Variants in WDR70 observed in about 807,000 individuals in gnomAD.
The protein encoded by WDR70 is WD repeat-containing protein 70.
In WDR70, 53 loss-of-function variants were observed where a neutral mutation model predicts 88.6. The observed-to-expected ratio is 0.60, with a 90% CI of 0.48 to 0.75. WDR70 has a LOEUF of 0.75. WDR70 is among the 30% of genes least tolerant of loss of function. The pLI is 0.00. For missense variants in WDR70, 610 were observed against 823.2 expected, an observed-to-expected ratio of 0.74 and a Z score of 3.17; for synonymous variants, 280 against 270.0, an observed-to-expected ratio of 1.04 and a Z score of -0.36.
chr5:37,431,547 T>C (rs1377083914), intron 5 of WDR70, among the ~76,000 whole-genome samples: 2 of 152,228 alleles, frequency 1.3e-5, no homozygotes, highest in African/African-American at 4.8e-5. Flanking sequence ...TTTTTAATTA[T>C]TAATTTTATT....
At chr5:37,551,371 C>A (rs1365021819) in intron 9 of WDR70, among the ~76,000 whole-genome samples, 1 of 151,844 alleles carries the variant, frequency 6.6e-6, no homozygotes, top group Non-Finnish European at 1.5e-5. Context: ...TTAACATAGT[C>A]CCCTAGCTTT....
intron 17 of WDR70, 141 bp downstream of exon 17, chr5:37,727,186 C>G: frequency 9.7e-7 from 1 of 1,030,702 alleles, no homozygotes; most frequent in Non-Finnish European, 1.4e-6. Flanking sequence ...TACTCATGGT[C>G]TTTAAACCTA....
chr5:37,589,497 T>G (rs1743465411), intron 9 of WDR70, among the ~76,000 whole-genome samples: 1 of 152,176 alleles, frequency 6.6e-6, no homozygotes, highest in Admixed American at 6.5e-5. Flanking sequence ...AGGAGGTCAC[T>G]TGGAATAGAA....
At chr5:37,443,174 G>C in intron 6 of WDR70, 65 bp from the exon 7 acceptor site, 1 of 1,515,224 alleles carries the variant, frequency 6.6e-7, no homozygotes, top group Non-Finnish European at 8.9e-7. Context: ...GAACAGAAAT[G>C]GGAGGTTATA....
chr5:37,501,789 C>T (rs371668504), intron 8 of WDR70, among the ~76,000 whole-genome samples: 4 of 152,078 alleles, frequency 2.6e-5, no homozygotes, highest in East Asian at 3.8e-4. Context: ...CTATTCTGTT[C>T]TGTTGGTCTG....
intron 10 of WDR70, 59 bp from the exon 11 acceptor site, chr5:37,697,596 A>G: frequency 7.1e-7 from 1 of 1,406,904 alleles, no homozygotes. Context: ...TCTTGCCACA[A>G]AACTGTTCTC....
chr5:37,506,953 C>T (rs1740578346), intron 8 of WDR70: 1 of 707,202 alleles, frequency 1.4e-6, no homozygotes, highest in Non-Finnish European at 2.6e-6. Flanking sequence ...TCCCTCCACC[C>T]ACTTGGATTC....
intron 9 of WDR70, among the ~76,000 whole-genome samples, chr5:37,562,132 T>C (rs1742524591): frequency 2.0e-5 from 3 of 152,192 alleles, no homozygotes; most frequent in Admixed American, 6.5e-5. Flanking sequence ...CCAAGGCAGG[T>C]GGATCACTTG....
rs531724567 is a variant in WDR70 at position 37,504,785 on chromosome 5, A to G, written c.841-11729A>G. ...AAGATATGTCATTCTCCTAAAGGAG[A>G]CAAAAGTGGTTTTCAGTGATTCCTT... On this transcript the variant is annotated intron_variant, in intron 8 of 17. Transcript: ENST00000265107. Among the ~76,000 whole-genome samples, 5 of 152,324 alleles carry G rather than the reference A, an allele frequency of 3.3e-5. No homozygotes were observed. The South Asian group carries it at 1.0e-3, about 32-fold the overall frequency.
At chr5:37,427,450 A>C (rs1750165127) in intron 5 of WDR70, among the ~76,000 whole-genome samples, 2 of 152,192 alleles carry the variant, frequency 1.3e-5, no homozygotes, top group South Asian at 4.1e-4. Flanking sequence ...ACACATGCAC[A>C]CATAGACGTG....
intron 10 of WDR70, among the ~76,000 whole-genome samples, chr5:37,658,760 C>T (rs1745623426): frequency 6.6e-6 from 1 of 152,090 alleles, no homozygotes; most frequent in Admixed American, 6.5e-5. Flanking sequence ...TACAGAAACC[C>T]CAAAATGGTC....
chr5:37,464,385 T>C (rs1739097808), intron 7 of WDR70, among the ~76,000 whole-genome samples: 2 of 152,212 alleles, frequency 1.3e-5, no homozygotes, highest in South Asian at 4.1e-4. Flanking sequence ...GTTTGATTAA[T>C]TGCCTGAAAT....
At chr5:37,534,584 G>GC (rs1741602691) in intron 9 of WDR70, among the ~76,000 whole-genome samples, 1 of 144,476 alleles carries the variant, frequency 6.9e-6, no homozygotes, top group African/African-American at 2.6e-5. Context: ...TGCAACCTCC[G>GC]CCCCCTGGGT....
At chr5:37,661,082 A>G (rs1169986020) in intron 10 of WDR70, among the ~76,000 whole-genome samples, 1 of 152,248 alleles carries the variant, frequency 6.6e-6, no homozygotes, top group Non-Finnish European at 1.5e-5. Context: ...GAAGTCCTGT[A>G]GCCAATCCCC....
At chr5:37,409,066 G>T (rs144496438) in intron 5 of WDR70, among the ~76,000 whole-genome samples, 1 of 152,062 alleles carries the variant, frequency 6.6e-6, no homozygotes, top group Non-Finnish European at 1.5e-5. Context: ...AGCCTCCCGA[G>T]TAGCTGGGAT....
chr5:37,581,405 G>A (rs1289808025), intron 9 of WDR70, among the ~76,000 whole-genome samples: 1 of 152,172 alleles, frequency 6.6e-6, no homozygotes, highest in Non-Finnish European at 1.5e-5. Context: ...GCTCTGAGAG[G>A]TCAAGTGACT....
intron 13 of WDR70, among the ~76,000 whole-genome samples, chr5:37,720,208 A>G (rs1747767894): frequency 1.3e-5 from 2 of 152,140 alleles, no homozygotes; most frequent in African/African-American, 4.8e-5. Context: ...TAGTCCCTAT[A>G]TATAGTTTGA....
At chr5:37,689,994 A>C (rs184369343) in intron 10 of WDR70, among the ~76,000 whole-genome samples, 10 of 152,324 alleles carry the variant, frequency 6.6e-5, no homozygotes, top group Non-Finnish European at 1.2e-4. Flanking sequence ...TAACTAGAAT[A>C]AACAGTGTAG....
intron 7 of WDR70, chr5:37,479,573 G>A: frequency 3.6e-6 from 1 of 276,518 alleles, no homozygotes; most frequent in Non-Finnish European, 6.9e-6. Flanking sequence ...GTTTCACCAT[G>A]TTGGTCCGGC....
Sources: allele counts gnomAD v4.1 joint callset (sites outside exome capture counted in the v4.1 genomes callset), GRCh38; gene constraint gnomAD v4.1.1; transcripts MANE v1.5; gene names NCBI Gene and HGNC (gene_info 2026-07-23, HGNC 2026-07-21).